VAV3: variants seen among roughly 807,000 people sequenced by gnomAD.
VAV3 encodes the protein guanine nucleotide exchange factor VAV3.
A neutral mutation model predicts 131.2 loss-of-function variants in VAV3; 94 were observed. The ratio of observed to expected loss-of-function variants is 0.72; its 90% CI spans 0.61 to 0.85. The LOEUF (loss-of-function observed/expected upper bound fraction) is 0.85. Ranked by LOEUF, VAV3 falls within the 40% of genes least tolerant of loss-of-function variation. The pLI, the probability that VAV3 is intolerant of heterozygous loss-of-function variation, is 0.00. For synonymous variants in VAV3, 349 were observed against 342.0 expected (o/e 1.02, Z -0.22); for missense variants, 939 against 1,002.7 (o/e 0.94, Z 0.86).
Position 107,863,071 on chromosome 1 carries a change from A to G in VAV3, c.321+11830T>C, listed in dbSNP as rs559670625. ...CTACTCGGTTGTAAAATATACATAA[A>G]TTAAGGGTAAATGCCATTAGAATTC... On this transcript the variant is annotated intron_variant, in intron 2 of 26. Coordinates refer to ENST00000370056, the MANE Select transcript of VAV3 (RefSeq NM_006113.5). 7.9e-5 allele frequency among the ~76,000 whole-genome samples: 12 copies of G among 152,328 alleles called. No individual in the cohort carries two copies. The Middle Eastern group carries it at 0.01, about 130-fold the overall frequency.
intron 1 of VAV3, among the ~76,000 whole-genome samples, chr1:107,909,740 A>G (rs547910371): frequency 4.2e-4 from 64 of 151,984 alleles, no homozygotes; most frequent in African/African-American, 1.4e-3. Flanking sequence ...ATTCCTTTAA[A>G]TATCATAATG....
chr1:107,757,196 T>C, intron 11 of VAV3, 65 bp downstream of exon 11: 3 of 1,221,074 alleles, frequency 2.5e-6, no homozygotes, highest in Non-Finnish European at 3.6e-6. Context: ...TGTATGCAAT[T>C]TGAATTCCAT....
chr1:107,763,558 T>TA (rs1479156907), intron 9 of VAV3, among the ~76,000 whole-genome samples: 43 of 149,984 alleles, frequency 2.9e-4, no homozygotes, highest in African/African-American at 9.3e-4. Context: ...TGAGTCACAG[T>TA]GGCTCCCAGC....
At chr1:107,953,091 T>G (rs1674633878) in intron 1 of VAV3, among the ~76,000 whole-genome samples, 1 of 152,176 alleles carries the variant, frequency 6.6e-6, no homozygotes, top group South Asian at 2.1e-4. Flanking sequence ...TTGCCATCTA[T>G]CCACTGAATT....
At chr1:107,943,200 A>C (rs1459435647) in intron 1 of VAV3, among the ~76,000 whole-genome samples, 1 of 152,032 alleles carries the variant, frequency 6.6e-6, no homozygotes, top group Non-Finnish European at 1.5e-5. Context: ...TTTAGTTCAT[A>C]TGTAATAAAT....
intron 20 of VAV3, among the ~76,000 whole-genome samples, chr1:107,620,332 T>C (rs1163265265): frequency 6.6e-6 from 1 of 152,208 alleles, no homozygotes; most frequent in Non-Finnish European, 1.5e-5. Context: ...ACTAACTTTA[T>C]AATGATGGTG....
At chr1:107,648,402 T>C (rs116036754) in intron 19 of VAV3, among the ~76,000 whole-genome samples, 2,399 of 152,162 alleles carry the variant, frequency 0.016, 71 homozygotes, top group African/African-American at 0.055. Context: ...AAAATAACTA[T>C]AAAATTTCAT....
intron 15 of VAV3, among the ~76,000 whole-genome samples, chr1:107,717,982 C>T (rs1270473036): frequency 6.6e-6 from 1 of 152,082 alleles, no homozygotes. Flanking sequence ...GATCCCTTTA[C>T]CATTATGTAA....
At chr1:107,703,260 T>C (rs1447513248) in intron 17 of VAV3, among the ~76,000 whole-genome samples, 1 of 152,206 alleles carries the variant, frequency 6.6e-6, no homozygotes, top group Non-Finnish European at 1.5e-5. Context: ...AATTAAAGAA[T>C]AACAACAATA....
chr1:107,921,842 A>C (rs12410511), intron 1 of VAV3, among the ~76,000 whole-genome samples: 1 of 152,340 alleles, frequency 6.6e-6, no homozygotes, highest in East Asian at 1.9e-4. Flanking sequence ...ATCTGTAAAA[A>C]CCAGGAAAAA....
intron 1 of VAV3, among the ~76,000 whole-genome samples, chr1:107,885,097 T>C (rs1303444675): frequency 6.6e-6 from 1 of 152,048 alleles, no homozygotes; most frequent in Non-Finnish European, 1.5e-5. Flanking sequence ...CAGAGGAGCT[T>C]CAGAACGGCA....
chr1:107,629,693 C>T (rs1427056349), intron 20 of VAV3, among the ~76,000 whole-genome samples: 1 of 152,116 alleles, frequency 6.6e-6, no homozygotes, highest in Non-Finnish European at 1.5e-5. Context: ...GAACAGAGTA[C>T]ATTTTTACAG....
At chr1:107,751,881 A>T (rs928509447) in intron 12 of VAV3, among the ~76,000 whole-genome samples, 8 of 152,214 alleles carry the variant, frequency 5.3e-5, no homozygotes. Context: ...AACGTTCAGA[A>T]ATTCCATTTT....
At chr1:107,849,781 C>T (rs917457442) in intron 2 of VAV3, among the ~76,000 whole-genome samples, 2 of 152,116 alleles carry the variant, frequency 1.3e-5, no homozygotes, top group Non-Finnish European at 2.9e-5. Flanking sequence ...AGTGAACAGG[C>T]AACCTACAGA....
intron 1 of VAV3, among the ~76,000 whole-genome samples, chr1:107,948,694 T>C (rs2101322936): frequency 6.6e-6 from 1 of 152,108 alleles, no homozygotes; most frequent in South Asian, 2.1e-4. Flanking sequence ...AAATACAAAA[T>C]TAGCTAGGCG....
At chr1:107,817,844 A>AC (rs753873398) in intron 2 of VAV3, among the ~76,000 whole-genome samples, 20 of 152,306 alleles carry the variant, frequency 1.3e-4, no homozygotes, top group Non-Finnish European at 2.6e-4. Flanking sequence ...CTCATAGTAG[A>AC]CAAGTGGTTT....
chr1:107,840,416 G>A (rs1219313698), intron 2 of VAV3, among the ~76,000 whole-genome samples: 1 of 152,076 alleles, frequency 6.6e-6, no homozygotes, highest in Admixed American at 6.6e-5. Flanking sequence ...GTTATCAAAG[G>A]ATGTTCATTA....
chr1:107,812,845 C>T (rs771641230), intron 2 of VAV3, among the ~76,000 whole-genome samples: 8 of 152,018 alleles, frequency 5.3e-5, no homozygotes, highest in Admixed American at 3.3e-4. Context: ...TTGATAAGGC[C>T]GGGCACGGTG....
intron 15 of VAV3, among the ~76,000 whole-genome samples, chr1:107,739,026 C>G (rs980465524): frequency 2.0e-5 from 3 of 152,184 alleles, no homozygotes; most frequent in South Asian, 2.1e-4. Flanking sequence ...GAAACAAACA[C>G]TAATTCAGCT....
Sources: gnomAD v4.1 joint callset for allele counts (sites outside exome capture counted in the v4.1 genomes callset) on GRCh38, gnomAD v4.1.1 for gene constraint, MANE v1.5 for transcripts, NCBI Gene and HGNC (gene_info 2026-07-23, HGNC 2026-07-21) for gene names.